The following PPARGC1A variants were observed in gnomAD, a reference collection of about 807,000 sequenced individuals.
The protein encoded by PPARGC1A is PPARG coactivator 1 alpha.
Under a neutral mutation model 88.7 loss-of-function variants are expected in PPARGC1A, and 25 were observed. The ratio of observed to expected loss-of-function variants is 0.28; its 90% CI spans 0.21 to 0.39. The LOEUF is 0.39. PPARGC1A is among the 10% of genes least tolerant of loss of function. The probability of loss-of-function intolerance (pLI) is 1.00; values close to 1 mark genes in which losing one functional copy is unlikely to be tolerated. For missense variants in PPARGC1A, 880 were observed against 968.7 expected (o/e 0.91, Z 1.22); for synonymous variants, 363 against 355.6 (o/e 1.02, Z -0.24).
chr4:24,084,047 G>A, the PPARGC1A span, among the ~76,000 whole-genome samples: 2 of 152,146 alleles, frequency 1.3e-5, no homozygotes, highest in Admixed American at 6.5e-5. Flanking sequence ...ACATGCTCAC[G>A]GTCACACAGC....
At chr4:24,130,033 G>A in the PPARGC1A span, among the ~76,000 whole-genome samples, 1 of 152,106 alleles carries the variant, frequency 6.6e-6, no homozygotes, top group Non-Finnish European at 1.5e-5. Flanking sequence ...AGCATTTGGA[G>A]ATATACCTAA....
the PPARGC1A span, among the ~76,000 whole-genome samples, chr4:24,336,613 A>G: frequency 1.3e-5 from 2 of 152,200 alleles, no homozygotes; most frequent in African/African-American, 2.4e-5. Flanking sequence ...CTAATTTTAC[A>G]TACATGCATG....
the PPARGC1A span, among the ~76,000 whole-genome samples, chr4:24,169,199 G>A: frequency 1.3e-5 from 2 of 152,022 alleles, no homozygotes; most frequent in Non-Finnish European, 2.9e-5. Flanking sequence ...CCAGGTGAAG[G>A]ACATTCTACA....
At chr4:24,220,933 T>C in the PPARGC1A span, among the ~76,000 whole-genome samples, 5 of 152,096 alleles carry the variant, frequency 3.3e-5, no homozygotes, top group Non-Finnish European at 7.4e-5. Context: ...CTCTAGGAAC[T>C]ACTAAAAGAA....
the PPARGC1A span, among the ~76,000 whole-genome samples, chr4:24,411,400 G>A: frequency 6.6e-6 from 1 of 152,216 alleles, no homozygotes; most frequent in Non-Finnish European, 1.5e-5. Context: ...GCAAAATAGA[G>A]TGGCAAGTAC....
chr4:23,889,333 A>G lies in PPARGC1A; in HGVS notation c.54+571T>C, dbSNP rs558053803. 6 of 985,334 alleles carry G rather than the reference A, an allele frequency of 6.1e-6. No homozygotes were observed. The African/African-American group carries it at 8.7e-5, about 14-fold the overall frequency. The allele number at this position is 985,334 out of a possible 1,614,324, so 61.0% of individuals were successfully genotyped here. A position where few individuals can be genotyped will look rare whatever the true frequency, so the allele number is the denominator to read the frequency against. ...GCCAAATCTTTCAACCACGTATAGG[A>G]GTTTTAAAGGAAGCAGCATCGTTGT... On this transcript the variant is annotated intron_variant, in intron 1 of 12. Coordinates refer to ENST00000264867, the MANE Select transcript of PPARGC1A (RefSeq NM_013261.5).
the PPARGC1A span, among the ~76,000 whole-genome samples, chr4:24,127,160 T>C: frequency 2.0e-5 from 3 of 152,188 alleles, no homozygotes; most frequent in African/African-American, 7.2e-5. Flanking sequence ...ATGCCCTTTT[T>C]ATCAACCTAC....
the PPARGC1A span, among the ~76,000 whole-genome samples, chr4:24,002,091 C>G: frequency 1.5e-5 from 2 of 137,712 alleles, no homozygotes; most frequent in African/African-American, 5.9e-5. Context: ...CACACACACA[C>G]ACACACAGAG....
the PPARGC1A span, among the ~76,000 whole-genome samples, chr4:24,278,330 T>C: frequency 6.6e-6 from 1 of 152,192 alleles, no homozygotes; most frequent in Non-Finnish European, 1.5e-5. Flanking sequence ...ATCTATACCT[T>C]TAAAAGGAAC....
chr4:23,910,371 T>TTATATTATATATATTATA, the PPARGC1A span, among the ~76,000 whole-genome samples: 1 of 97,548 alleles, frequency 1.0e-5, no homozygotes, highest in Non-Finnish European at 1.9e-5. Context: ...ATATATTATA[T>TTATATTATATATATTATA]TATATTATAT....
chr4:24,117,429 T>C, the PPARGC1A span, among the ~76,000 whole-genome samples: 2 of 152,110 alleles, frequency 1.3e-5, no homozygotes, highest in African/African-American at 4.8e-5. Context: ...TGGCCTCTTA[T>C]AGAGCAAAGG....
upstream of PPARGC1A, chr4:23,890,254 A>C: frequency 4.9e-6 from 2 of 410,606 alleles, no homozygotes; most frequent in Non-Finnish European, 7.7e-6. Context: ...AAAAGAAAGA[A>C]AGAAAGGAAA....
At chr4:24,424,759 C>A in the PPARGC1A span, among the ~76,000 whole-genome samples, 1 of 152,156 alleles carries the variant, frequency 6.6e-6, no homozygotes. Flanking sequence ...AGTTTTTCAA[C>A]CCTTTCAAAA....
At chr4:24,072,622 ATATTT>A in the PPARGC1A span, among the ~76,000 whole-genome samples, 1 of 152,126 alleles carries the variant, frequency 6.6e-6, no homozygotes, top group African/African-American at 2.4e-5. Flanking sequence ...TATAATAAAA[ATATTT>A]TATTTCTTCA....
chr4:23,858,732 A>T (rs1047012758), intron 2 of PPARGC1A, among the ~76,000 whole-genome samples: 121 of 152,178 alleles, frequency 8.0e-4, no homozygotes, highest in Non-Finnish European at 1.6e-3. Context: ...TGACAGTCAA[A>T]TCTCACCTTT....
At chr4:24,127,795 C>T in the PPARGC1A span, among the ~76,000 whole-genome samples, 1 of 151,808 alleles carries the variant, frequency 6.6e-6, no homozygotes, top group Non-Finnish European at 1.5e-5. Flanking sequence ...ATAAACACGG[C>T]TAGTACATTA....
the PPARGC1A span, among the ~76,000 whole-genome samples, chr4:24,258,485 A>C: frequency 4.6e-5 from 7 of 152,216 alleles, no homozygotes; most frequent in African/African-American, 1.7e-4. Flanking sequence ...ATCTTAACAT[A>C]TTAAACACAT....
the PPARGC1A span, among the ~76,000 whole-genome samples, chr4:24,412,264 T>G: frequency 6.6e-6 from 1 of 152,078 alleles, no homozygotes; most frequent in African/African-American, 2.4e-5. Flanking sequence ...CTAACTGCAA[T>G]CAGTATGCTC....
chr4:24,320,279 AG>A, the PPARGC1A span, among the ~76,000 whole-genome samples: 1 of 152,242 alleles, frequency 6.6e-6, no homozygotes, highest in African/African-American at 2.4e-5. Flanking sequence ...CATCACAAGA[AG>A]GAAGAAAAGT....
Sources: gnomAD v4.1 joint callset for allele counts (sites outside exome capture counted in the v4.1 genomes callset) on GRCh38, gnomAD v4.1.1 for gene constraint, MANE v1.5 for transcripts, NCBI Gene and HGNC (gene_info 2026-07-23, HGNC 2026-07-21) for gene names.